Variants in HYCC2 observed in about 807,000 individuals in gnomAD.
HYCC2 encodes hyccin PI4KA lipid kinase complex subunit 2.
the HYCC2 span, chr2:200,992,253 T>C: frequency 3.0e-6 from 4 of 1,349,544 alleles, no homozygotes; most frequent in South Asian, 4.7e-5. Flanking sequence ...ACCAGTATAT[T>C]TAATAAAGAG....
chr2:201,054,109 T>C, the HYCC2 span, among the ~76,000 whole-genome samples: 1 of 152,186 alleles, frequency 6.6e-6, no homozygotes, highest in African/African-American at 2.4e-5. Flanking sequence ...TGCAAAGGGA[T>C]GTGTACCCAG....
chr2:201,003,216 C>CCA, the HYCC2 span, among the ~76,000 whole-genome samples: 1 of 152,148 alleles, frequency 6.6e-6, no homozygotes, highest in East Asian at 1.9e-4. Flanking sequence ...GCATGTATCA[C>CCA]CACACTCAGC....
chr2:201,064,927 A>AT, the HYCC2 span, among the ~76,000 whole-genome samples: 1 of 152,350 alleles, frequency 6.6e-6, no homozygotes, highest in East Asian at 1.9e-4. Context: ...CTACAGTAAA[A>AT]TATCAAGACC....
At chr2:201,013,268 G>A in the HYCC2 span, among the ~76,000 whole-genome samples, 27 of 152,104 alleles carry the variant, frequency 1.8e-4, no homozygotes, top group Middle Eastern at 3.4e-3. Flanking sequence ...TCAGGAGTTC[G>A]AGACTAGCAT....
the HYCC2 span, among the ~76,000 whole-genome samples, chr2:201,014,666 A>G: frequency 6.6e-6 from 1 of 152,166 alleles, no homozygotes; most frequent in Non-Finnish European, 1.5e-5. Context: ...TAGAGATGGA[A>G]ATGTTTGCTA....
the HYCC2 span, among the ~76,000 whole-genome samples, chr2:201,042,574 G>C: frequency 5.4e-5 from 8 of 147,952 alleles, no homozygotes; most frequent in Non-Finnish European, 1.0e-4. Context: ...CAGCCGCCCC[G>C]TCTGAGAAGT....
At chr2:201,036,691 A>T in the HYCC2 span, among the ~76,000 whole-genome samples, 1 of 152,246 alleles carries the variant, frequency 6.6e-6, no homozygotes, top group African/African-American at 2.4e-5. Flanking sequence ...GACAAAATTC[A>T]ACAACCCTTC....
At chr2:201,025,585 T>C in the HYCC2 span, among the ~76,000 whole-genome samples, 1 of 152,100 alleles carries the variant, frequency 6.6e-6, no homozygotes, top group Non-Finnish European at 1.5e-5. Context: ...CAAAGATCTA[T>C]AGAATTAAGG....
chr2:200,992,629 A>T, the HYCC2 span, among the ~76,000 whole-genome samples: 1 of 152,238 alleles, frequency 6.6e-6, no homozygotes, highest in Non-Finnish European at 1.5e-5. Flanking sequence ...TGCGTTCATG[A>T]AAACCTGGGT....
At chr2:201,058,824 A>T in the HYCC2 span, among the ~76,000 whole-genome samples, 18 of 152,220 alleles carry the variant, frequency 1.2e-4, no homozygotes, top group Middle Eastern at 3.2e-3. Context: ...AAATGTTTCC[A>T]ATCTCATCTC....
At chr2:201,069,375 G>A in the HYCC2 span, among the ~76,000 whole-genome samples, 1 of 152,052 alleles carries the variant, frequency 6.6e-6, no homozygotes, top group Non-Finnish European at 1.5e-5. Context: ...ACGTATAAAC[G>A]ATCATCTAAC....
chr2:200,992,809 G>A, the HYCC2 span: 454 of 897,484 alleles, frequency 5.1e-4, 2 homozygotes, highest in African/African-American at 6.9e-3. Flanking sequence ...TATTGTGTCG[G>A]ATAAGGAAGA....
At chr2:201,049,410 C>A in the HYCC2 span, among the ~76,000 whole-genome samples, 1 of 152,014 alleles carries the variant, frequency 6.6e-6, no homozygotes, top group East Asian at 1.9e-4. Context: ...AGTGCACTGG[C>A]GCGATCTTGG....
At chr2:201,029,803 T>G in the HYCC2 span, among the ~76,000 whole-genome samples, 1 of 152,116 alleles carries the variant, frequency 6.6e-6, no homozygotes, top group Non-Finnish European at 1.5e-5. Flanking sequence ...GGGGGAAGGA[T>G]AGCCATTAGG....
chr2:200,995,422 T>C, the HYCC2 span, among the ~76,000 whole-genome samples: 1 of 152,282 alleles, frequency 6.6e-6, no homozygotes, highest in African/African-American at 2.4e-5. Flanking sequence ...ACGGGTGGGA[T>C]CTACAGCTTG....
At chr2:201,042,662 G>A in the HYCC2 span, among the ~76,000 whole-genome samples, 1 of 151,680 alleles carries the variant, frequency 6.6e-6, no homozygotes, top group African/African-American at 2.4e-5. Context: ...GGGAAGTGAG[G>A]AGCGTCTCCG....
At chr2:201,059,268 G>A in the HYCC2 span, among the ~76,000 whole-genome samples, 6 of 152,222 alleles carry the variant, frequency 3.9e-5, no homozygotes, top group Middle Eastern at 3.4e-3. Flanking sequence ...AACCTTATTG[G>A]TTCTGTTTCT....
the HYCC2 span, among the ~76,000 whole-genome samples, chr2:201,028,752 G>T: frequency 6.6e-6 from 1 of 152,186 alleles, no homozygotes; most frequent in East Asian, 1.9e-4. Context: ...GGGAAATCTG[G>T]ATAGCCAAAT....
At chr2:201,019,477 G>A in the HYCC2 span, among the ~76,000 whole-genome samples, 2 of 152,132 alleles carry the variant, frequency 1.3e-5, no homozygotes, top group East Asian at 3.9e-4. Context: ...CGCTGGTCAG[G>A]TGTGGTAGCT....
Sources: allele counts gnomAD v4.1 joint callset (sites outside exome capture counted in the v4.1 genomes callset), GRCh38; gene constraint gnomAD v4.1.1; transcripts MANE v1.5; gene names NCBI Gene and HGNC (gene_info 2026-07-23, HGNC 2026-07-21).